Variants in ST7 observed in about 807,000 individuals in gnomAD.
ST7 encodes the protein suppressor of tumorigenicity 7 protein.
ST7 carries 28 observed loss-of-function variants against 78.7 expected under a neutral mutation model. The observed-to-expected ratio is 0.36, with a 90% CI of 0.26 to 0.49. ST7 has a LOEUF of 0.49. ST7 is among the 20% of genes least tolerant of loss of function. The pLI, the probability that ST7 is intolerant of heterozygous loss-of-function variation, is 0.99. For synonymous variants in ST7, 247 were observed against 249.6 expected (o/e 0.99, Z 0.10); for missense variants, 418 against 696.0 (o/e 0.60, Z 4.49).
intron 2 of ST7, among the ~76,000 whole-genome samples, chr7:117,106,600 A>G (rs1801984067): frequency 6.7e-6 from 1 of 148,682 alleles, no homozygotes; most frequent in African/African-American, 2.5e-5. Flanking sequence ...GAGTCTTCAA[A>G]GTTCATTGTA....
chr7:116,967,041 C>T (rs1793152111), intron 1 of ST7, among the ~76,000 whole-genome samples: 1 of 151,570 alleles, frequency 6.6e-6, no homozygotes, highest in African/African-American at 2.4e-5. Flanking sequence ...GTTAGGAAAT[C>T]AAACCCCTTG....
At chr7:116,954,607 C>T (rs533596702) in intron 1 of ST7, 1 of 153,134 alleles carries the variant, frequency 6.5e-6, no homozygotes, top group East Asian at 1.9e-4. Flanking sequence ...AGCCTTAACA[C>T]TCCAGAGAGT....
At chr7:117,136,559 A>T in intron 8 of ST7, 1 of 505,764 alleles carries the variant, frequency 2.0e-6, no homozygotes, top group Non-Finnish European at 3.5e-6. Context: ...TCTGCTCACA[A>T]CTTTAAAACC....
At chr7:117,202,355 A>G (rs1191477671) in intron 12 of ST7, among the ~76,000 whole-genome samples, 1 of 151,700 alleles carries the variant, frequency 6.6e-6, no homozygotes, top group Non-Finnish European at 1.5e-5. Context: ...ATTCTCTCCT[A>G]AGCTCCAGAC....
Position 117,190,608 on chromosome 7 carries a change from G to A in ST7, c.1152-226G>A, listed in dbSNP as rs561506663. On this transcript the variant is annotated intron_variant, in intron 11 of 15. Coordinates refer to ENST00000323984, the MANE Select transcript of ST7 (RefSeq NM_001369598.1). The surrounding 1 kb of genome is among the most constrained non-coding windows in gnomAD (Gnocchi z 5.2). ...CCATTTAGACAGAGACTTGACAGCC[G>A]AATTTAACTCCTGCCATGACTAGAT... Among the ~76,000 whole-genome samples the A allele has an allele frequency of 3.9e-5, 6 of 152,292 alleles. No individual in the cohort carries two copies. The highest frequency in any genetic ancestry group is 2.1e-4 in the South Asian group (1 of 4,828).
chr7:117,165,099 G>A lies in ST7; in HGVS notation c.964-5763G>A, dbSNP rs112800004. ...AACTATAGAAAGGATTCTGGGAATG[G>A]CGTGTAATAGTCTGGTTTGACAAGG... On this transcript the variant is annotated intron_variant, in intron 9 of 15. Transcript: ENST00000323984. Among the ~76,000 whole-genome samples, 937 of 152,308 alleles carry A rather than the reference G, an allele frequency of 6.2e-3. 3 individuals carry two copies. The highest frequency in any genetic ancestry group is 0.017 in the Middle Eastern group (5 of 294).
intron 10 of ST7, chr7:117,173,592 A>G (rs1168235706): frequency 6.6e-6 from 1 of 152,174 alleles, no homozygotes; most frequent in African/African-American, 2.4e-5. Flanking sequence ...GTCTTAGAGT[A>G]CAGACAGCTT....
chr7:117,154,188 G>A (rs1469753865), intron 9 of ST7, among the ~76,000 whole-genome samples: 2 of 152,154 alleles, frequency 1.3e-5, no homozygotes, highest in African/African-American at 4.8e-5. Flanking sequence ...AGCCCTTACA[G>A]ATAAGACCAG....
At chr7:117,182,144 T>C (rs1808816391) in intron 10 of ST7, among the ~76,000 whole-genome samples, 1 of 152,218 alleles carries the variant, frequency 6.6e-6, no homozygotes, top group Admixed American at 6.5e-5. Context: ...AATCATGTGC[T>C]CAGATTTGTT....
intron 9 of ST7, among the ~76,000 whole-genome samples, chr7:117,150,139 G>A (rs565185539): frequency 1.8e-4 from 27 of 152,242 alleles, no homozygotes; most frequent in East Asian, 5.8e-4. Context: ...CCCTGGTTTC[G>A]TGGTTGTCTG....
chr7:117,017,909 C>G (rs549628830), intron 1 of ST7, among the ~76,000 whole-genome samples: 17 of 152,056 alleles, frequency 1.1e-4, no homozygotes, highest in Non-Finnish European at 2.1e-4. Flanking sequence ...GTCCGGTTTT[C>G]CTGGCAAGTG....
chr7:117,191,183 G>A (rs1035728699), intron 12 of ST7, among the ~76,000 whole-genome samples: 1 of 152,190 alleles, frequency 6.6e-6, no homozygotes, highest in South Asian at 2.1e-4. Context: ...GGCAGGCCAG[G>A]AAGCCTGAAA....
At chr7:117,102,334 G>A (rs1397570119) in intron 2 of ST7, among the ~76,000 whole-genome samples, 1 of 152,144 alleles carries the variant, frequency 6.6e-6, no homozygotes, top group African/African-American at 2.4e-5. Flanking sequence ...ACCTGTTGAG[G>A]AACAACGTAA....
intron 1 of ST7, among the ~76,000 whole-genome samples, chr7:116,987,836 G>C (rs1215963228): frequency 6.6e-6 from 1 of 152,140 alleles, no homozygotes; most frequent in Non-Finnish European, 1.5e-5. Context: ...CAATTCTCCT[G>C]CCTCAGCCTC....
chr7:117,119,858 G>C (rs1803217450), intron 3 of ST7, 138 bp downstream of exon 3: 4 of 987,340 alleles, frequency 4.1e-6, no homozygotes, highest in Non-Finnish European at 5.9e-6. Context: ...TTCCCATGGA[G>C]TTGACAACCT....
intron 2 of ST7, among the ~76,000 whole-genome samples, chr7:117,113,750 G>C (rs1802624003): frequency 6.6e-6 from 1 of 152,120 alleles, no homozygotes; most frequent in South Asian, 2.1e-4. Context: ...GAATTATCTG[G>C]GAGCTTGTTT....
At chr7:117,195,483 C>T (rs888539212) in intron 12 of ST7, among the ~76,000 whole-genome samples, 1 of 152,158 alleles carries the variant, frequency 6.6e-6, no homozygotes, top group Non-Finnish European at 1.5e-5. Context: ...CAAATAAAGA[C>T]ATACTCAAGA....
chr7:116,955,077 G>A (rs1163707056), intron 1 of ST7: 1 of 470,166 alleles, frequency 2.1e-6, no homozygotes, highest in South Asian at 1.6e-5. Context: ...TCTGTCATCG[G>A]AAAGACCATG....
chr7:117,002,579 T>A (rs1443249304), intron 1 of ST7, among the ~76,000 whole-genome samples: 2 of 152,036 alleles, frequency 1.3e-5, no homozygotes, highest in Admixed American at 1.3e-4. Flanking sequence ...CAATGCAATC[T>A]GTTTCAAATT....
Sources: allele counts gnomAD v4.1 joint callset (sites outside exome capture counted in the v4.1 genomes callset), GRCh38; gene constraint gnomAD v4.1.1; non-coding constraint Gnocchi (gnomAD v3.1); transcripts MANE v1.5; gene names NCBI Gene and HGNC (gene_info 2026-07-23, HGNC 2026-07-21).